SLC8A1: variants seen among roughly 807,000 people sequenced by gnomAD.
SLC8A1 encodes the protein solute carrier family 8 member A1.
SLC8A1 carries 18 observed loss-of-function variants against 68.3 expected under a neutral mutation model. The ratio of observed to expected loss-of-function variants is 0.26; its 90% CI spans 0.18 to 0.39. The LOEUF (loss-of-function observed/expected upper bound fraction) is 0.39. Among genes scored for constraint, SLC8A1 ranks in the 10% least tolerant of loss-of-function variants. The pLI, the probability that SLC8A1 is intolerant of heterozygous loss-of-function variation, is 1.00. For synonymous variants in SLC8A1, 475 were observed against 415.5 expected (o/e 1.14, Z -1.74); for missense variants, 985 against 1,156.7 (o/e 0.85, Z 2.15).
chr2:40,301,871 A>AT (rs369007063), intron 2 of SLC8A1, among the ~76,000 whole-genome samples: 2 of 151,118 alleles, frequency 1.3e-5, no homozygotes, highest in Non-Finnish European at 3.0e-5. Flanking sequence ...CTGAACCCCA[A>AT]TTTTTTTTTG....
chr2:40,216,911 T>C (rs1231856574), intron 2 of SLC8A1, among the ~76,000 whole-genome samples: 1 of 152,242 alleles, frequency 6.6e-6, no homozygotes, highest in Non-Finnish European at 1.5e-5. Flanking sequence ...CTTTGTCAGA[T>C]GGATGGATCG....
intron 2 of SLC8A1, among the ~76,000 whole-genome samples, chr2:40,192,990 T>C (rs957709621): frequency 6.6e-6 from 1 of 152,136 alleles, no homozygotes; most frequent in Non-Finnish European, 1.5e-5. Context: ...CAGCATTAAG[T>C]ATGTGTGCAT....
At chr2:40,278,920 C>G (rs1432342677) in intron 2 of SLC8A1, among the ~76,000 whole-genome samples, 1 of 152,106 alleles carries the variant, frequency 6.6e-6, no homozygotes, top group Non-Finnish European at 1.5e-5. Flanking sequence ...GACTTCTCTT[C>G]AAAGCCCAGA....
At chr2:40,136,322 C>G (rs1305681097) in intron 7 of SLC8A1, among the ~76,000 whole-genome samples, 1 of 152,160 alleles carries the variant, frequency 6.6e-6, no homozygotes, top group Admixed American at 6.5e-5. Context: ...GCATTTGCTA[C>G]CAGCTGGTGC....
chr2:40,473,657 G>C (rs894739965), intron 1 of SLC8A1, among the ~76,000 whole-genome samples: 1 of 152,190 alleles, frequency 6.6e-6, no homozygotes. Flanking sequence ...TTGCCACACA[G>C]AGCAGTCTTG....
intron 2 of SLC8A1, among the ~76,000 whole-genome samples, chr2:40,345,249 G>A (rs1219566762): frequency 6.6e-6 from 1 of 152,070 alleles, no homozygotes; most frequent in East Asian, 1.9e-4. Flanking sequence ...GGGCCCTGCT[G>A]CTCCTCTCAC....
intron 7 of SLC8A1, among the ~76,000 whole-genome samples, chr2:40,131,762 C>A (rs2148209715): frequency 6.6e-6 from 1 of 151,934 alleles, no homozygotes; most frequent in African/African-American, 2.4e-5. Context: ...TGTATCACAG[C>A]TGTGTTTGGT....
At chr2:40,394,264 T>C (rs1686209737) in intron 2 of SLC8A1, among the ~76,000 whole-genome samples, 1 of 152,104 alleles carries the variant, frequency 6.6e-6, no homozygotes, top group African/African-American at 2.4e-5. Flanking sequence ...ACCTGCATTT[T>C]GTGGGGTGGG....
intron 1 of SLC8A1, among the ~76,000 whole-genome samples, chr2:40,475,713 A>G (rs1704259428): frequency 6.6e-6 from 1 of 152,108 alleles, no homozygotes; most frequent in South Asian, 2.1e-4. Context: ...AAAAATAACT[A>G]CATTTGCCAA....
At chr2:40,301,665 C>T (rs373157587) in intron 2 of SLC8A1, among the ~76,000 whole-genome samples, 4 of 152,208 alleles carry the variant, frequency 2.6e-5, no homozygotes, top group South Asian at 4.2e-4. Flanking sequence ...GCCTATAATC[C>T]CAGCACATTG....
intron 2 of SLC8A1, among the ~76,000 whole-genome samples, chr2:40,211,150 T>C (rs1240305525): frequency 6.6e-6 from 1 of 152,222 alleles, no homozygotes; most frequent in Non-Finnish European, 1.5e-5. Context: ...AGTGGGCATC[T>C]CTCCAGTCAT....
At chr2:40,239,600 G>A (rs1014880418) in intron 2 of SLC8A1, among the ~76,000 whole-genome samples, 17 of 152,100 alleles carry the variant, frequency 1.1e-4, no homozygotes, top group Non-Finnish European at 2.2e-4. Flanking sequence ...GTGCTGCCTC[G>A]TGAAATACAG....
At chr2:40,106,030 A>G (rs985021874) in exon 8 of SLC8A1, 3 of 152,260 alleles carry the variant, frequency 2.0e-5, no homozygotes, top group Non-Finnish European at 2.9e-5. Context: ...TAATTAACAC[A>G]TCTTCTGGAT....
chr2:40,315,902 T>C (rs2074382924), intron 2 of SLC8A1, among the ~76,000 whole-genome samples: 1 of 152,036 alleles, frequency 6.6e-6, no homozygotes, highest in Non-Finnish European at 1.5e-5. Context: ...CTGGTATGTG[T>C]CATGAAACGG....
intron 2 of SLC8A1, among the ~76,000 whole-genome samples, chr2:40,253,893 C>G (rs1183954417): frequency 1.3e-5 from 1 of 79,282 alleles, no homozygotes; most frequent in Non-Finnish European, 2.4e-5. Context: ...GATAAAGAAA[C>G]AAACGTTGGT....
intron 1 of SLC8A1, among the ~76,000 whole-genome samples, chr2:40,449,181 C>A (rs1291163806): frequency 6.8e-6 from 1 of 147,726 alleles, no homozygotes; most frequent in East Asian, 2.0e-4. Context: ...AAAACAACAA[C>A]AAAAAAAAAC....
chr2:40,145,611 T>C (rs986495251), intron 6 of SLC8A1, among the ~76,000 whole-genome samples: 2 of 152,234 alleles, frequency 1.3e-5, no homozygotes, highest in African/African-American at 4.8e-5. Flanking sequence ...TGTTTCTCTT[T>C]TCTTTAAAGG....
chr2:40,175,109 T>A, intron 3 of SLC8A1, 152 bp downstream of exon 4: 2 of 800,354 alleles, frequency 2.5e-6, no homozygotes, highest in Admixed American at 5.3e-5. Flanking sequence ...ATATAAACTA[T>A]TTGACCTTGA....
At chr2:40,407,079 G>A (rs978830829) in intron 2 of SLC8A1, among the ~76,000 whole-genome samples, 1 of 152,054 alleles carries the variant, frequency 6.6e-6, no homozygotes, top group African/African-American at 2.4e-5. Flanking sequence ...GTGTGTGGGT[G>A]TGTGTGAGAG....
Sources: gnomAD v4.1 joint callset for allele counts (sites outside exome capture counted in the v4.1 genomes callset) on GRCh38, gnomAD v4.1.1 for gene constraint, MANE v1.5 for transcripts, NCBI Gene and HGNC (gene_info 2026-07-23, HGNC 2026-07-21) for gene names.